PPIH: variants seen among roughly 807,000 people sequenced by gnomAD.
PPIH encodes peptidylprolyl isomerase H.
Under a neutral mutation model 27.6 loss-of-function variants are expected in PPIH, and 16 were observed. The observed-to-expected ratio is 0.58, with a 90% CI of 0.39 to 0.88. The LOEUF (loss-of-function observed/expected upper bound fraction) is 0.88, where lower values mean the gene tolerates loss of function less well. Ranked by LOEUF, PPIH falls within the 40% of genes least tolerant of loss-of-function variation. PPIH has a pLI of 0.00. For missense variants in PPIH, 155 were observed against 224.1 expected (o/e 0.69, Z 1.97); for synonymous variants, 63 against 76.1 (o/e 0.83, Z 0.90).
chr1:42,674,033 C>T (rs192497527), intron 9 of PPIH, among the ~76,000 whole-genome samples: 14 of 152,302 alleles, frequency 9.2e-5, no homozygotes, highest in African/African-American at 2.6e-4. Flanking sequence ...CACAACTAAG[C>T]GCTGATGAAT....
intron 9 of PPIH, among the ~76,000 whole-genome samples, chr1:42,669,468 A>G (rs1413355859): frequency 1.3e-5 from 2 of 152,098 alleles, no homozygotes; most frequent in African/African-American, 2.4e-5. Context: ...GCTAATTTTT[A>G]TATTTCTTGG....
At chr1:42,668,264 T>G (rs2148719439) in intron 9 of PPIH, among the ~76,000 whole-genome samples, 1 of 152,336 alleles carries the variant, frequency 6.6e-6, no homozygotes, top group East Asian at 1.9e-4. Context: ...CACCAATGAT[T>G]AACATTCTTG....
intron 9 of PPIH, among the ~76,000 whole-genome samples, chr1:42,670,204 C>G (rs1022607757): frequency 3.9e-5 from 6 of 152,210 alleles, no homozygotes; most frequent in Admixed American, 6.5e-5. Context: ...CTCAGGCCCA[C>G]TTGACACCCT....
intron 4 of PPIH, among the ~76,000 whole-genome samples, 175 bp downstream of exon 4, chr1:42,659,741 A>G (rs1176445563): frequency 6.6e-6 from 1 of 152,154 alleles, no homozygotes; most frequent in Non-Finnish European, 1.5e-5. Flanking sequence ...ACACTCCCCC[A>G]CTTCTTAGGT....
rs555920619 is a variant in PPIH, at chr1:42,661,592, C to T, written c.243+688C>T. Among the ~76,000 whole-genome samples the T allele has an allele frequency of 2.6e-5, 4 of 152,260 alleles. No individual in the cohort carries two copies. In the South Asian group the frequency reaches 8.3e-4, roughly 32 times the overall value. On this transcript the variant is annotated intron_variant, in intron 5 of 9. Transcript: ENST00000304979. ...TTAAACCTGCTTTTGTCCTTACCCC[C>T]CACTTCTGAATGGTCTTTCTTTACT...
chr1:42,662,357 G>A (rs1163461193), intron 5 of PPIH, among the ~76,000 whole-genome samples: 1 of 152,146 alleles, frequency 6.6e-6, no homozygotes, highest in Non-Finnish European at 1.5e-5. Flanking sequence ...TGGCAACATA[G>A]TAAGACCCTG....
At chr1:42,666,135 T>C in intron 7 of PPIH, 68 bp downstream of exon 7, 1 of 1,447,268 alleles carries the variant, frequency 6.9e-7, no homozygotes, top group South Asian at 1.1e-5. Context: ...GAGGAGTTAG[T>C]TCTCAAACTC....
chr1:42,660,573 G>A (rs893618380), intron 4 of PPIH, among the ~76,000 whole-genome samples: 15 of 152,104 alleles, frequency 9.9e-5, no homozygotes, highest in African/African-American at 3.1e-4. Context: ...AGGACTACAG[G>A]CATGTGCCAC....
chr1:42,664,511 T>C (rs1014245278), intron 5 of PPIH, among the ~76,000 whole-genome samples: 3 of 152,146 alleles, frequency 2.0e-5, no homozygotes, highest in Admixed American at 2.0e-4. Flanking sequence ...GTGGGTACTT[T>C]TATGTGACTG....
chr1:42,681,266 G>A (rs1157447043), downstream of PPIH: 1 of 151,012 alleles, frequency 6.6e-6, no homozygotes, highest in African/African-American at 2.4e-5. Flanking sequence ...GAGTCTTACT[G>A]AACTACTTGA....
At chr1:42,672,134 C>G (rs1034331066) in intron 9 of PPIH, among the ~76,000 whole-genome samples, 1 of 152,218 alleles carries the variant, frequency 6.6e-6, no homozygotes, top group East Asian at 1.9e-4. Context: ...CCATCCGCCT[C>G]GGACTCCCAA....
chr1:42,675,852 G>A (rs1422949928), intron 9 of PPIH, among the ~76,000 whole-genome samples: 10 of 152,172 alleles, frequency 6.6e-5, no homozygotes, highest in Non-Finnish European at 2.9e-5. Flanking sequence ...TCCACAGAGA[G>A]CCATCAGAGT....
chr1:42,671,764 T>C (rs1043108343), intron 9 of PPIH, among the ~76,000 whole-genome samples: 1 of 152,104 alleles, frequency 6.6e-6, no homozygotes, highest in Non-Finnish European at 1.5e-5. Flanking sequence ...CCATTTTGGG[T>C]TTCTGAATAA....
chr1:42,666,544 C>T lies in PPIH; in HGVS notation c.425-3C>T, dbSNP rs1329349384. On this transcript the variant is annotated splice_region_variant and splice_polypyrimidine_tract_variant and intron_variant, in intron 7 of 9. Coordinates refer to ENST00000304979, the MANE Select transcript of PPIH (RefSeq NM_006347.4). ...TAAAGTCCAGCTCATGCTCTTCCTA[C>T]AGGAAAAATCATCGATGGACTTCTA... 6.2e-7 allele frequency: 1 copy of T among 1,613,672 alleles called. No homozygotes were observed.
At chr1:42,677,874 C>T (rs1056142503), downstream of PPIH, among the ~76,000 whole-genome samples, 1 of 152,204 alleles carries the variant, frequency 6.6e-6, no homozygotes, top group Non-Finnish European at 1.5e-5. Context: ...TCATGAGGCA[C>T]TTTCTGTTTG....
intron 9 of PPIH, among the ~76,000 whole-genome samples, 164 bp from the exon 10 acceptor site, chr1:42,676,420 A>G (rs1290721620): frequency 6.6e-6 from 1 of 151,948 alleles, no homozygotes; most frequent in Non-Finnish European, 1.5e-5. Flanking sequence ...GTGAGCCGAG[A>G]TCGCGCCACT....
At chr1:42,658,559 C>A in intron 1 of PPIH, 47 bp downstream of exon 1, 1 of 1,574,410 alleles carries the variant, frequency 6.4e-7, no homozygotes, top group Non-Finnish European at 8.7e-7. Flanking sequence ...GGAAACTGCT[C>A]GGGGCTAGGC....
chr1:42,662,558 GAA>G (rs1003029019), intron 5 of PPIH, among the ~76,000 whole-genome samples: 1 of 140,366 alleles, frequency 7.1e-6, no homozygotes, highest in Non-Finnish European at 1.6e-5. Context: ...TGTCTAAAGG[GAA>G]AAAAAAAAAG....
chr1:42,674,143 A>T (rs192732477), intron 9 of PPIH, among the ~76,000 whole-genome samples: 84 of 152,364 alleles, frequency 5.5e-4, no homozygotes, highest in African/African-American at 1.6e-3. Flanking sequence ...ATTACAGTAC[A>T]ATAAAGCCCT....
Sources: allele counts gnomAD v4.1 joint callset (sites outside exome capture counted in the v4.1 genomes callset), GRCh38; gene constraint gnomAD v4.1.1; transcripts MANE v1.5; gene names NCBI Gene and HGNC (gene_info 2026-07-23, HGNC 2026-07-21).